ME1: variants seen among roughly 807,000 people sequenced by gnomAD.
ME1 encodes NADP-dependent malic enzyme.
Under a neutral mutation model 66.4 loss-of-function variants are expected in ME1, and 74 were observed. That is an observed-to-expected ratio of 1.11 (90% CI 0.92 to 1.35). ME1 has a LOEUF of 1.35. Ranked by LOEUF, ME1 falls within the 40% of genes most tolerant of loss-of-function variation. The pLI is 0.00. For synonymous variants in ME1, 251 were observed against 235.6 expected (o/e 1.07, Z -0.60); for missense variants, 750 against 694.1 (o/e 1.08, Z -0.90).
At chr6:83,323,447 G>A (rs1768220803) in intron 5 of ME1, among the ~76,000 whole-genome samples, 1 of 151,872 alleles carries the variant, frequency 6.6e-6, no homozygotes, top group African/African-American at 2.4e-5. Context: ...CAAAATAAAG[G>A]GATGGAGGAA....
chr6:83,326,047 A>G (rs961477675), intron 5 of ME1, among the ~76,000 whole-genome samples: 1 of 152,154 alleles, frequency 6.6e-6, no homozygotes, highest in Non-Finnish European at 1.5e-5. Context: ...TGGAACCAAA[A>G]CAGATATATA....
At chr6:83,316,769 T>C (rs1345908402) in intron 5 of ME1, among the ~76,000 whole-genome samples, 1 of 152,106 alleles carries the variant, frequency 6.6e-6, no homozygotes, top group Non-Finnish European at 1.5e-5. Flanking sequence ...TTTACCTCTA[T>C]ACACTTGCAA....
intron 13 of ME1, among the ~76,000 whole-genome samples, chr6:83,213,421 T>C (rs1789933813): frequency 6.6e-6 from 1 of 150,530 alleles, no homozygotes; most frequent in African/African-American, 2.4e-5. Flanking sequence ...CAAAACTCCA[T>C]CTCAAAAACG....
chr6:83,372,489 A>G (rs771067739), intron 3 of ME1, among the ~76,000 whole-genome samples: 1 of 152,196 alleles, frequency 6.6e-6, no homozygotes, highest in South Asian at 2.1e-4. Flanking sequence ...TGATCCACTC[A>G]TGTGGATTCT....
chr6:83,291,502 T>C (rs1455144754), intron 6 of ME1, among the ~76,000 whole-genome samples: 1 of 152,220 alleles, frequency 6.6e-6, no homozygotes, highest in Non-Finnish European at 1.5e-5. Flanking sequence ...GTTAGTCTGA[T>C]TGGCTTCCCT....
intron 1 of ME1, among the ~76,000 whole-genome samples, chr6:83,425,337 G>A (rs1370391032): frequency 2.6e-5 from 4 of 152,014 alleles, no homozygotes; most frequent in Non-Finnish European, 5.9e-5. Flanking sequence ...TATGAATACT[G>A]TATTAGTCTG....
chr6:83,217,027 C>A (rs1183411306), intron 12 of ME1, among the ~76,000 whole-genome samples: 1 of 152,154 alleles, frequency 6.6e-6, no homozygotes, highest in Non-Finnish European at 1.5e-5. Flanking sequence ...TATTCTTGTG[C>A]AGGAGGTAGA....
chr6:83,320,086 T>C (rs1768123637), intron 5 of ME1, among the ~76,000 whole-genome samples: 1 of 152,234 alleles, frequency 6.6e-6, no homozygotes, highest in South Asian at 2.1e-4. Context: ...ATGTGGAATG[T>C]GACCAATTTC....
chr6:83,216,605 A>G lies in ME1; in HGVS notation c.1450-9T>C. 6.4e-7 allele frequency: 1 copy of G among 1,568,814 alleles called. No individual in the cohort carries two copies. The highest frequency in any genetic ancestry group is 8.6e-7 in the Non-Finnish European group (1 of 1,159,874). On this transcript the variant is annotated splice_polypyrimidine_tract_variant and intron_variant, in intron 12 of 13. Coordinates refer to ENST00000369705, the MANE Select transcript of ME1 (RefSeq NM_002395.6). ...ACTTGCTGAGCTATAACCTTATGAA[A>G]AAAAGAAAGAAAAAAAGTGTTTATA... is the stretch of plus-strand genomic sequence containing the variant.
intron 3 of ME1, among the ~76,000 whole-genome samples, chr6:83,367,689 T>C (rs1354884407): frequency 6.6e-6 from 1 of 152,192 alleles, no homozygotes; most frequent in South Asian, 2.1e-4. Flanking sequence ...TTCCCAGAAA[T>C]GAAGAGAGTT....
At chr6:83,275,416 T>A (rs932353998) in intron 6 of ME1, among the ~76,000 whole-genome samples, 2 of 151,572 alleles carry the variant, frequency 1.3e-5, no homozygotes, top group Non-Finnish European at 2.9e-5. Context: ...CCGAACCATA[T>A]TGAAAAGTCT....
intron 11 of ME1, among the ~76,000 whole-genome samples, chr6:83,226,571 C>T (rs1790201591): frequency 1.3e-5 from 2 of 151,648 alleles, no homozygotes; most frequent in Admixed American, 6.6e-5. Context: ...GGCTCCTTGC[C>T]AAAAAGAAAA....
At chr6:83,325,789 C>T (rs952931327) in intron 5 of ME1, among the ~76,000 whole-genome samples, 3 of 151,934 alleles carry the variant, frequency 2.0e-5, no homozygotes, top group African/African-American at 7.3e-5. Flanking sequence ...GACCATAGGG[C>T]CCAAAGTAAT....
intron 2 of ME1, among the ~76,000 whole-genome samples, chr6:83,400,576 T>C (rs536089289): frequency 6.6e-6 from 1 of 152,334 alleles, no homozygotes; most frequent in African/African-American, 2.4e-5. Flanking sequence ...ATCCAAAATC[T>C]GACCACCTTT....
At chr6:83,342,925 C>T (rs1768616681) in intron 5 of ME1, among the ~76,000 whole-genome samples, 1 of 152,180 alleles carries the variant, frequency 6.6e-6, no homozygotes, top group Admixed American at 6.5e-5. Context: ...CTCAGGTGAT[C>T]TGCCCGCCTT....
intron 6 of ME1, among the ~76,000 whole-genome samples, chr6:83,263,803 CATAA>C (rs1766940498): frequency 1.4e-5 from 2 of 147,456 alleles, no homozygotes; most frequent in South Asian, 2.3e-4. Context: ...CATAACATAA[CATAA>C]CATAACATAA....
chr6:83,244,838 T>C (rs1790588690), intron 7 of ME1, among the ~76,000 whole-genome samples: 1 of 152,048 alleles, frequency 6.6e-6, no homozygotes. Flanking sequence ...ACATTTTTGT[T>C]ATAACACACA....
In ME1 at chr6:83,266,111, A is replaced by G. The variant is rs567585042; in HGVS notation, c.705-12373T>C. Among the ~76,000 whole-genome samples, 6 of 152,326 alleles carry G rather than the reference A, an allele frequency of 3.9e-5. No homozygotes were observed. The South Asian group carries it at 1.2e-3, about 32-fold the overall frequency. On this transcript the variant is annotated intron_variant, in intron 6 of 13. Coordinates refer to ENST00000369705, the MANE Select transcript of ME1 (RefSeq NM_002395.6). ...TATAAACATTAGCAGTTATCATTGT[A>G]CAGCGTTCCAGAATACTACTTAGAA...
intron 3 of ME1, among the ~76,000 whole-genome samples, chr6:83,358,871 TTTTTTTC>T (rs916947192): frequency 5.3e-5 from 8 of 152,320 alleles, no homozygotes; most frequent in Non-Finnish European, 8.8e-5. Flanking sequence ...ATAATGTTTT[TTTTTTTC>T]TTTTTTCTTT....
Sources: allele counts gnomAD v4.1 joint callset (sites outside exome capture counted in the v4.1 genomes callset), GRCh38; gene constraint gnomAD v4.1.1; transcripts MANE v1.5; gene names NCBI Gene and HGNC (gene_info 2026-07-23, HGNC 2026-07-21).